NLRP1: variants seen among roughly 807,000 people sequenced by gnomAD.
NLRP1 encodes NACHT, LRR and PYD domains-containing protein 1.
In NLRP1, 94 loss-of-function variants were observed where a neutral mutation model predicts 136.7. The observed-to-expected ratio is 0.69, with a 90% CI of 0.58 to 0.82. NLRP1 has a LOEUF of 0.82. Ranked by LOEUF, NLRP1 falls within the 40% of genes least tolerant of loss-of-function variation. The pLI, the probability that NLRP1 is intolerant of heterozygous loss-of-function variation, is 0.00. For missense variants in NLRP1, 1,575 were observed against 1,802.7 expected (o/e 0.87, Z 2.29); for synonymous variants, 690 against 725.1 (o/e 0.95, Z 0.78).
chr17:5,582,959 A>G lies in NLRP1; in HGVS notation c.272-113T>C, dbSNP rs527669314. 17 of 782,180 alleles carry G rather than the reference A, an allele frequency of 2.2e-5. No homozygotes were observed. In the South Asian group the frequency reaches 3.2e-4, roughly 15 times the overall value. The allele number at this position is 782,180 out of a possible 1,614,324, so 48.5% of individuals were successfully genotyped here. On this transcript the variant is annotated intron_variant, in intron 1 of 16. Transcript: ENST00000572272. ...AAGAGAGGTCAGGATACACCAGTGAACCCGCTGCAGCCCTCTACAACTTCC... is the reference window on the plus strand; with the variant it reads ...AAGAGAGGTCAGGATACACCAGTGAGCCCGCTGCAGCCCTCTACAACTTCC...
intron 12 of NLRP1, among the ~76,000 whole-genome samples, chr17:5,529,585 C>T (rs543970724): frequency 2.6e-5 from 4 of 152,172 alleles, no homozygotes; most frequent in South Asian, 4.1e-4. Flanking sequence ...CCAGGATGGT[C>T]GCAATCTCCT....
intron 2 of NLRP1, among the ~76,000 whole-genome samples, chr17:5,582,348 G>C (rs1905764461): frequency 6.6e-6 from 1 of 152,062 alleles, no homozygotes; most frequent in African/African-American, 2.4e-5. Flanking sequence ...AGGATCTTCA[G>C]AGCCCATCAA....
chr17:5,551,618 G>A (rs1479531810), intron 5 of NLRP1, among the ~76,000 whole-genome samples: 3 of 152,132 alleles, frequency 2.0e-5, no homozygotes, highest in Non-Finnish European at 4.4e-5. Flanking sequence ...TATTCCAAAG[G>A]GGCTGTCTCA....
At chr17:5,554,618 C>T (rs1469881021) in intron 4 of NLRP1, among the ~76,000 whole-genome samples, 1 of 152,196 alleles carries the variant, frequency 6.6e-6, no homozygotes, top group African/African-American at 2.4e-5. Flanking sequence ...ACAGCAATAG[C>T]ACCTGCTGCA....
chr17:5,558,926 G>T lies in NLRP1; in HGVS notation c.1770C>A (p.Asp590Glu). Residue 590 changes from aspartate to glutamate, a missense_variant, in exon 4 of 17, where the codon GAC (aspartate) becomes GAA (glutamate). Transcript: ENST00000572272. ...CCCCATCTAACCCATGCTTCCTGAG[G>T]TCATCTGGACTGAAAAGGGTCTTTT... ...WQKKTLFSPDDLRKHGLDGAI... is the reference protein window; with the variant it reads ...WQKKTLFSPDELRKHGLDGAI... The T allele has an allele frequency of 6.2e-7, 1 of 1,614,106 alleles. No homozygotes were observed. The highest frequency in any genetic ancestry group is 8.5e-7 in the Non-Finnish European group (1 of 1,180,010).
At position 5,517,869 on chromosome 17, in the gene NLRP1, G is replaced by A. The variant is rs754489472; in HGVS notation, c.3934C>T (p.Arg1312Ter). Residue 1312 changes from arginine to a stop codon, truncating the protein, a stop_gained, in exon 15 of 17, where the codon CGA (arginine) becomes TGA (stop). Coordinates refer to ENST00000572272, the MANE Select transcript of NLRP1 (RefSeq NM_033004.4). LOFTEE classifies it high-confidence loss of function. ...ILPKELELCY[R>*]SPGEDQLFSE... is the part of the protein sequence containing the mutation. ...AACAGCTGGTCTTCTCCAGGGCTTCGATAGCAGAGCTCCAGTTCCTGAAGA... is the reference window on the plus strand; with the variant it reads ...AACAGCTGGTCTTCTCCAGGGCTTCAATAGCAGAGCTCCAGTTCCTGAAGA... 12 of 1,614,076 alleles carry A rather than the reference G, an allele frequency of 7.4e-6. No individual in the cohort carries two copies. The highest frequency in any genetic ancestry group is 1.0e-5 in the Non-Finnish European group (12 of 1,180,010).
At chr17:5,524,366 G>A (rs1909273147) in intron 12 of NLRP1, among the ~76,000 whole-genome samples, 1 of 152,214 alleles carries the variant, frequency 6.6e-6, no homozygotes, top group Non-Finnish European at 1.5e-5. Context: ...GCTAGTGGAT[G>A]CACCACCCTG....
At chr17:5,552,100 TTTTTTTTTTTTTTTTA>T (rs1350205560) in intron 5 of NLRP1, among the ~76,000 whole-genome samples, 1 of 145,516 alleles carries the variant, frequency 6.9e-6, no homozygotes, top group African/African-American at 2.6e-5. Context: ...TTTTTTTTTT[TTTTTTTTTTTTTTTTA>T]AATAGAAGTA....
intron 14 of NLRP1, among the ~76,000 whole-genome samples, chr17:5,520,302 T>G (rs1026298443): frequency 6.6e-6 from 1 of 152,188 alleles, no homozygotes; most frequent in Non-Finnish European, 1.5e-5. Context: ...TTTGCTATAC[T>G]GACCTCTTTT....
chr17:5,526,446 G>C (rs1235880287), intron 12 of NLRP1, among the ~76,000 whole-genome samples: 1 of 152,168 alleles, frequency 6.6e-6, no homozygotes, highest in Non-Finnish European at 1.5e-5. Flanking sequence ...AGGTGGGCAG[G>C]GGGAGGGAGT....
At chr17:5,560,377 C>T (rs1914597329) in intron 3 of NLRP1, among the ~76,000 whole-genome samples, 1 of 152,170 alleles carries the variant, frequency 6.6e-6, no homozygotes, top group Admixed American at 6.5e-5. Flanking sequence ...ATGATGCTGG[C>T]CATTAGCCCC....
At chr17:5,512,221 C>A, downstream of NLRP1, 1 of 1,453,444 alleles carries the variant, frequency 6.9e-7, no homozygotes, top group Non-Finnish European at 9.7e-7. Flanking sequence ...AAGTTGGCAA[C>A]CACTACCATC....
intron 13 of NLRP1, 71 bp downstream of exon 13, chr17:5,521,453 G>A (rs1908889783): frequency 6.6e-7 from 1 of 1,522,982 alleles, no homozygotes; most frequent in South Asian, 1.2e-5. Flanking sequence ...ACCCTCTAGG[G>A]GGCTCTCTGG....
At chr17:5,512,017 A>T, downstream of NLRP1, 1 of 583,930 alleles carries the variant, frequency 1.7e-6, no homozygotes, top group South Asian at 1.8e-5. Context: ...TGAGGTGGTA[A>T]CTAATGACAG....
At chr17:5,508,247 G>A (rs1373775170) in intron 15 of NLRP1, among the ~76,000 whole-genome samples, 1 of 152,186 alleles carries the variant, frequency 6.6e-6, no homozygotes, top group African/African-American at 2.4e-5. Flanking sequence ...GCAGTGAGCT[G>A]AGATTGCGCC....
intron 12 of NLRP1, among the ~76,000 whole-genome samples, chr17:5,527,529 C>T (rs1909711571): frequency 1.3e-5 from 2 of 152,114 alleles, no homozygotes. Flanking sequence ...GGATAGAATC[C>T]CAACTCTGGA....
rs774456855 is a variant in NLRP1 at position 5,530,498 on chromosome 17, T to C, written c.3503A>G (p.His1168Arg). The part of the protein sequence containing the change: ...PGAVEAVHLP[H>R]FVALQGGHVD... ...TTGTTTACCTTGGAGAGCCACAAAGTGAGGGAGGTGCACAGCTTCCACAGC... is the reference window on the plus strand; with the variant it reads ...TTGTTTACCTTGGAGAGCCACAAAGCGAGGGAGGTGCACAGCTTCCACAGC... The change falls in exon 12 of 17, where the codon CAC becomes CGC. Residue 1168 changes from histidine (H) to arginine (R), a missense_variant. Transcript: ENST00000572272. The C allele has an allele frequency of 6.2e-7, 1 of 1,613,850 alleles. No individual in the cohort carries two copies. Among genetic ancestry groups the C allele is most frequent in the Non-Finnish European group, 8.5e-7 (1 of 1,179,938 alleles).
chr17:5,532,893 A>C lies in NLRP1; in HGVS notation c.3225T>G (p.Thr1075=). ...CCGTGGGGCCCCAGAAGTCATCGTC[A>C]GTCCCCAAAGGCTTCGTATGCAGGT... ...QGDLHTKPLG[T]DDDFWGPTGP... Residue 1075 remains threonine (T), a synonymous_variant, in exon 11 of 17, where the codon ACT becomes ACG. Transcript: ENST00000572272. 1 of 1,613,882 alleles carries C rather than the reference A, an allele frequency of 6.2e-7. No homozygotes were observed. Among genetic ancestry groups the C allele is most frequent in the East Asian group, 2.2e-5 (1 of 44,848 alleles).
intron 5 of NLRP1, 132 bp from the exon 6 acceptor site, chr17:5,542,159 GC>G: frequency 1.3e-6 from 1 of 767,208 alleles, no homozygotes; most frequent in Non-Finnish European, 2.1e-6. Context: ...ACCCTCCCAG[GC>G]CCCAGAAATG....
Sources: gnomAD v4.1 joint callset for allele counts (sites outside exome capture counted in the v4.1 genomes callset) on GRCh38, gnomAD v4.1.1 for gene constraint, MANE v1.5 for transcripts, NCBI Gene and HGNC (gene_info 2026-07-23, HGNC 2026-07-21) for gene names.